The following SERINC5 variants were observed in gnomAD, a reference collection of about 807,000 sequenced individuals.
The protein encoded by SERINC5 is serine incorporator 5, also known as chromosome 5 open reading frame 12.
Under a neutral mutation model 63.1 loss-of-function variants are expected in SERINC5, and 41 were observed. The ratio of observed to expected loss-of-function variants is 0.65; its 90% CI spans 0.51 to 0.84. The LOEUF is 0.84. SERINC5 is among the 40% of genes least tolerant of loss of function. The pLI is 0.00. For missense variants in SERINC5, 523 were observed against 573.0 expected (o/e 0.91, Z 0.89); for synonymous variants, 222 against 215.2 (o/e 1.03, Z -0.28).
chr5:80,132,337 T>C (rs1224261007), intron 11 of SERINC5, among the ~76,000 whole-genome samples: 1 of 152,224 alleles, frequency 6.6e-6, no homozygotes, highest in Non-Finnish European at 1.5e-5. Context: ...CAGGTCTGGG[T>C]TAATCACAAA....
Position 80,116,110 on chromosome 5 carries a change from G to A in SERINC5, c.1239-2485C>T, listed in dbSNP as rs905817964. 1.3e-4 allele frequency: 47 copies of A among 357,962 alleles called. 1 individual carries two copies. The highest frequency in any genetic ancestry group is 8.0e-4 in the South Asian group (38 of 47,436). 22.2% of individuals were successfully genotyped at this position (357,962 alleles called of 1,614,324 possible). On this transcript the variant is annotated intron_variant, in intron 11 of 12. Transcript: ENST00000509193. ...GTGAGGCAGGGCAGAAAGCCTCCAC[G>A]TTGCTGCAGCAATGCAAAAATAGGC...
At chr5:80,193,724 T>C (rs1193804567) in intron 2 of SERINC5, among the ~76,000 whole-genome samples, 1 of 152,150 alleles carries the variant, frequency 6.6e-6, no homozygotes, top group African/African-American at 2.4e-5. Flanking sequence ...CTGCCTCCAG[T>C]ACAAAACGAT....
chr5:80,146,748 G>A (rs1358442660), intron 10 of SERINC5, among the ~76,000 whole-genome samples: 1 of 152,136 alleles, frequency 6.6e-6, no homozygotes. Flanking sequence ...AAGCCACCGT[G>A]CCTGCCCTGC....
At chr5:80,132,216 A>G (rs1307484984) in intron 11 of SERINC5, among the ~76,000 whole-genome samples, 1 of 152,206 alleles carries the variant, frequency 6.6e-6, no homozygotes, top group Non-Finnish European at 1.5e-5. Flanking sequence ...TGATGACAAA[A>G]GAGACAAATA....
chr5:80,239,229 C>T (rs556625144), intron 1 of SERINC5, among the ~76,000 whole-genome samples: 6 of 152,340 alleles, frequency 3.9e-5, no homozygotes, highest in Middle Eastern at 6.8e-3. Flanking sequence ...ACGGGCATTA[C>T]GCCCATCAGA....
chr5:80,185,794 C>T (rs1389405577), intron 2 of SERINC5, among the ~76,000 whole-genome samples: 1 of 152,022 alleles, frequency 6.6e-6, no homozygotes, highest in Non-Finnish European at 1.5e-5. Context: ...AAGGCAAGGA[C>T]CGGCCATTTA....
chr5:80,113,879 A>G (rs1208888715), intron 11 of SERINC5, among the ~76,000 whole-genome samples: 1 of 151,902 alleles, frequency 6.6e-6, no homozygotes, highest in Non-Finnish European at 1.5e-5. Flanking sequence ...ACCCACCCAT[A>G]ACCTCTGCCA....
chr5:80,168,088 G>A (rs1580099616), intron 6 of SERINC5, among the ~76,000 whole-genome samples: 1 of 152,210 alleles, frequency 6.6e-6, no homozygotes, highest in East Asian at 1.9e-4. Context: ...ATATCAAGTT[G>A]TTCTAGGAAC....
At chr5:80,172,400 T>C (rs1747726061) in intron 5 of SERINC5, among the ~76,000 whole-genome samples, 1 of 152,154 alleles carries the variant, frequency 6.6e-6, no homozygotes, top group African/African-American at 2.4e-5. Flanking sequence ...GGAGAATGAA[T>C]TGAATGAATC....
chr5:80,203,483 G>A (rs1419123391), intron 1 of SERINC5, among the ~76,000 whole-genome samples: 3 of 151,510 alleles, frequency 2.0e-5, no homozygotes, highest in African/African-American at 7.3e-5. Flanking sequence ...ATCAGCCTGG[G>A]CAACACAGCA....
chr5:80,179,242 C>A (rs751430712), intron 2 of SERINC5, among the ~76,000 whole-genome samples: 2 of 151,930 alleles, frequency 1.3e-5, no homozygotes, highest in African/African-American at 4.8e-5. Flanking sequence ...GAGGTTGCAG[C>A]GAGCCGAGAT....
intron 1 of SERINC5, among the ~76,000 whole-genome samples, chr5:80,225,223 T>A (rs2112549384): frequency 6.6e-6 from 1 of 152,344 alleles, no homozygotes; most frequent in South Asian, 2.1e-4. Context: ...TATACTTCAC[T>A]AGATTCTTTA....
intron 1 of SERINC5, among the ~76,000 whole-genome samples, chr5:80,218,343 C>T (rs764155027): frequency 1.9e-4 from 29 of 152,166 alleles, no homozygotes; most frequent in Non-Finnish European, 3.1e-4. Context: ...AAGTTCTAGA[C>T]GAGCCTGACC....
chr5:80,248,259 G>A (rs111944053), intron 1 of SERINC5, among the ~76,000 whole-genome samples: 1,962 of 152,250 alleles, frequency 0.013, 37 homozygotes, highest in African/African-American at 0.042. Flanking sequence ...CTACTCTTGC[G>A]CTTTGGGGCC....
chr5:80,192,038 T>C (rs1049242628), intron 2 of SERINC5, among the ~76,000 whole-genome samples: 1 of 152,230 alleles, frequency 6.6e-6, no homozygotes, highest in Admixed American at 6.5e-5. Context: ...ATAGCCACAC[T>C]GGTTGGCTGG....
intron 1 of SERINC5, among the ~76,000 whole-genome samples, chr5:80,248,325 G>A (rs917331441): frequency 1.3e-4 from 20 of 152,134 alleles, no homozygotes; most frequent in African/African-American, 3.9e-4. Context: ...GCAATTCTGC[G>A]ACAGTGGATC....
At chr5:80,184,420 A>G (rs542991357) in intron 2 of SERINC5, among the ~76,000 whole-genome samples, 68 of 152,186 alleles carry the variant, frequency 4.5e-4, no homozygotes, top group Non-Finnish European at 7.9e-4. Context: ...TGCTAACAGC[A>G]GCAGGCTGAG....
intron 2 of SERINC5, 24 bp from the exon 3 acceptor site, chr5:80,178,088 C>A: frequency 1.3e-6 from 2 of 1,539,784 alleles, no homozygotes; most frequent in South Asian, 2.4e-5. Flanking sequence ...TTAGAAAAGT[C>A]ATCTGTTACA....
chr5:80,148,896 G>A (rs948727404), intron 9 of SERINC5, among the ~76,000 whole-genome samples: 2 of 152,190 alleles, frequency 1.3e-5, no homozygotes, highest in African/African-American at 4.8e-5. Context: ...ACCTTTAACG[G>A]AGGTATTAGC....
Sources: gnomAD v4.1 joint callset for allele counts (sites outside exome capture counted in the v4.1 genomes callset) on GRCh38, gnomAD v4.1.1 for gene constraint, MANE v1.5 for transcripts, NCBI Gene and HGNC (gene_info 2026-07-23, HGNC 2026-07-21) for gene names.